The following KCNIP4 variants were observed in gnomAD, a reference collection of about 807,000 sequenced individuals.
The protein encoded by KCNIP4 is potassium voltage-gated channel interacting protein 4.
In KCNIP4, 12 loss-of-function variants were observed where a neutral mutation model predicts 34.0. That is an observed-to-expected ratio of 0.35 (90% CI 0.23 to 0.57). KCNIP4 has a LOEUF of 0.57. Ranked by LOEUF, KCNIP4 falls within the 20% of genes least tolerant of loss-of-function variation. The pLI, the probability that KCNIP4 is intolerant of heterozygous loss-of-function variation, is 0.83. For missense variants in KCNIP4, 238 were observed against 311.7 expected, an observed-to-expected ratio of 0.76 and a Z score of 1.78; for synonymous variants, 124 against 102.2, an observed-to-expected ratio of 1.21 and a Z score of -1.29.
At position 20,729,941 on chromosome 4, in the gene KCNIP4, G is replaced by T; in HGVS notation, c.*141C>A. 1 of 961,084 alleles carries T rather than the reference G, an allele frequency of 1.0e-6. No homozygotes were observed. Among genetic ancestry groups the T allele is most frequent in the Non-Finnish European group, 1.4e-6 (1 of 693,090 alleles). The allele number at this position is 961,084 out of a possible 1,614,324, so 59.5% of individuals were successfully genotyped here. A position where few individuals can be genotyped will look rare whatever the true frequency, so the allele number is the denominator to read the frequency against. ...TGAAAGCTCAAATCTTTTGGGGATTGCTTTATATTAAAACAAAGCTTGTTT... is the reference window on the plus strand; with the variant it reads ...TGAAAGCTCAAATCTTTTGGGGATTTCTTTATATTAAAACAAAGCTTGTTT... On this transcript the variant is annotated 3_prime_UTR_variant, in exon 9 of 9. Transcript: ENST00000382152.
intron 3 of KCNIP4, among the ~76,000 whole-genome samples, chr4:20,842,933 A>C (rs778240475): frequency 1.3e-3 from 191 of 148,582 alleles, no homozygotes; most frequent in Non-Finnish European, 2.3e-3. Flanking sequence ...TTTTTGAGAC[A>C]CGATCTTACT....
At chr4:21,618,585 T>C (rs908345585) in intron 1 of KCNIP4, among the ~76,000 whole-genome samples, 14 of 150,928 alleles carry the variant, frequency 9.3e-5, no homozygotes, top group Admixed American at 2.0e-4. Flanking sequence ...TCTCTCACTC[T>C]CTGTTTGTAT....
chr4:21,561,832 G>C (rs563047652), intron 1 of KCNIP4, among the ~76,000 whole-genome samples: 1 of 151,902 alleles, frequency 6.6e-6, no homozygotes, highest in Non-Finnish European at 1.5e-5. Context: ...TTGGATAACA[G>C]AACCTATCCT....
intron 1 of KCNIP4, among the ~76,000 whole-genome samples, chr4:21,646,547 CTT>C (rs140613931): frequency 6.6e-6 from 1 of 151,670 alleles, no homozygotes; most frequent in African/African-American, 2.4e-5. Context: ...ATCAGATGTT[CTT>C]TTTTTTTCCT....
chr4:21,056,994 C>A lies in KCNIP4; in HGVS notation c.62-174285G>T, dbSNP rs537468536. 1.8e-3 allele frequency among the ~76,000 whole-genome samples: 269 copies of A among 152,246 alleles called. 1 individual carries two copies. The highest frequency in any genetic ancestry group is 6.2e-3 in the African/African-American group (257 of 41,568). On this transcript the variant is annotated intron_variant, in intron 1 of 8. Transcript: ENST00000382152. ...TATTTATTGTTTGGTTACTTATTCT[C>A]ATTTGCAATAAGTTATAACATATTA... is the stretch of plus-strand genomic sequence containing the variant.
At chr4:21,126,835 A>G (rs1284034936) in intron 1 of KCNIP4, among the ~76,000 whole-genome samples, 1 of 152,142 alleles carries the variant, frequency 6.6e-6, no homozygotes, top group Non-Finnish European at 1.5e-5. Context: ...ATGCTGAACA[A>G]TTCTTTCTAA....
chr4:21,089,601 AC>A (rs1326729438), intron 1 of KCNIP4, among the ~76,000 whole-genome samples: 6 of 152,204 alleles, frequency 3.9e-5, no homozygotes, highest in Admixed American at 6.5e-5. Flanking sequence ...ACTGAAAGAC[AC>A]ATCCAGTTTT....
At chr4:21,262,253 C>T (rs1316877446) in intron 1 of KCNIP4, among the ~76,000 whole-genome samples, 1 of 152,148 alleles carries the variant, frequency 6.6e-6, no homozygotes, top group African/African-American at 2.4e-5. Flanking sequence ...CCCCTCCACA[C>T]CCCATAGCAG....
At chr4:21,796,559 A>G (rs541807132) in intron 1 of KCNIP4, among the ~76,000 whole-genome samples, 2 of 152,344 alleles carry the variant, frequency 1.3e-5, no homozygotes, top group African/African-American at 4.8e-5. Context: ...GTACTTGAGA[A>G]ACGTACCCTT....
At chr4:21,657,119 AAAT>A (rs1384677694) in intron 1 of KCNIP4, among the ~76,000 whole-genome samples, 1 of 152,224 alleles carries the variant, frequency 6.6e-6, no homozygotes, top group African/African-American at 2.4e-5. Flanking sequence ...AATAGCTGAG[AAAT>A]ATTAACCACC....
At chr4:20,988,837 G>A (rs1428918035) in intron 1 of KCNIP4, among the ~76,000 whole-genome samples, 1 of 152,212 alleles carries the variant, frequency 6.6e-6, no homozygotes, top group Non-Finnish European at 1.5e-5. Context: ...GCAGGGGATA[G>A]ATGTATGAAT....
chr4:20,840,358 G>A (rs6828041), intron 3 of KCNIP4, among the ~76,000 whole-genome samples: 59,312 of 152,022 alleles, frequency 0.39, 12,108 homozygotes, highest in Non-Finnish European at 0.46. Flanking sequence ...ACTAGAGACA[G>A]TCTTGGGAAC....
intron 2 of KCNIP4, among the ~76,000 whole-genome samples, chr4:20,873,867 CCTGA>C (rs1189713830): frequency 6.6e-6 from 1 of 152,204 alleles, no homozygotes; most frequent in Non-Finnish European, 1.5e-5. Context: ...TCTTGCCCCT[CCTGA>C]CTGGCTAAGC....
Position 20,835,036 on chromosome 4 carries a change from C to CT in KCNIP4, c.288+15506dup, listed in dbSNP as rs1444201375. Among the ~76,000 whole-genome samples, 4 of 151,560 alleles carry CT rather than the reference C, an allele frequency of 2.6e-5. No homozygotes were observed. The East Asian group carries it at 6.3e-4, about 24-fold the overall frequency. On this transcript the variant is annotated intron_variant, in intron 3 of 8. Transcript: ENST00000382152. ...CTTCCCTAGATTCTTTTAGGAACTT[C>CT]TTTTTTTTCTCCTGTTAGATCAAGA...
chr4:20,818,052 G>A (rs1473676073), intron 3 of KCNIP4, among the ~76,000 whole-genome samples: 1 of 152,170 alleles, frequency 6.6e-6, no homozygotes, highest in Non-Finnish European at 1.5e-5. Flanking sequence ...CTGCTGTTGT[G>A]CACTGTAAAT....
At chr4:21,110,830 G>A (rs994588268) in intron 1 of KCNIP4, among the ~76,000 whole-genome samples, 1 of 152,110 alleles carries the variant, frequency 6.6e-6, no homozygotes, top group Admixed American at 6.6e-5. Context: ...CTGAATCTTC[G>A]AGTGTCTCAA....
At chr4:20,849,257 A>G (rs7694587) in intron 3 of KCNIP4, among the ~76,000 whole-genome samples, 53,108 of 151,812 alleles carry the variant, frequency 0.35, 10,343 homozygotes, top group Admixed American at 0.46. Flanking sequence ...AGATGATCAA[A>G]TTTTGGAGAA....
chr4:21,665,522 C>T (rs988811655), intron 1 of KCNIP4, among the ~76,000 whole-genome samples: 2 of 138,164 alleles, frequency 1.4e-5, no homozygotes, highest in Non-Finnish European at 1.5e-5. Flanking sequence ...CCCCCCCCCC[C>T]TCATTTTATA....
At chr4:20,868,503 A>G (rs143971410) in intron 2 of KCNIP4, among the ~76,000 whole-genome samples, 315 of 152,228 alleles carry the variant, frequency 2.1e-3, no homozygotes, top group Non-Finnish European at 3.1e-3. Flanking sequence ...CACCCAAAAG[A>G]AAACAAATAA....
Sources: gnomAD v4.1 joint callset for allele counts (sites outside exome capture counted in the v4.1 genomes callset) on GRCh38, gnomAD v4.1.1 for gene constraint, MANE v1.5 for transcripts, NCBI Gene and HGNC (gene_info 2026-07-23, HGNC 2026-07-21) for gene names.